TIMELESS: variants seen among roughly 807,000 people sequenced by gnomAD.
TIMELESS encodes the protein protein timeless homolog.
TIMELESS carries 124 observed loss-of-function variants against 164.3 expected under a neutral mutation model. The ratio of observed to expected loss-of-function variants is 0.75; its 90% CI spans 0.65 to 0.88. The LOEUF (loss-of-function observed/expected upper bound fraction) is 0.88, where lower values mean the gene tolerates loss of function less well. Among genes scored for constraint, TIMELESS ranks in the 40% least tolerant of loss-of-function variants. TIMELESS has a pLI of 0.00. For missense variants in TIMELESS, 1,422 were observed against 1,491.4 expected (o/e 0.95, Z 0.77); for synonymous variants, 564 against 563.4 (o/e 1.00, Z -0.02).
In TIMELESS at chr12:56,422,996, TAGG is replaced by T. The variant is rs748622924; in HGVS notation, c.2293-7_2293-5del. 2.5e-6 allele frequency: 4 copies of T among 1,612,600 alleles called. No homozygotes were observed. The highest frequency in any genetic ancestry group is 1.7e-5 in the Admixed American group (1 of 59,844). ...ATTTGGCAAAAGTCACTAGCTCCTGTAGGAGAAGGAGGTTACTATGAGGCCTCT... is the reference window on the plus strand; with the variant it reads ...ATTTGGCAAAAGTCACTAGCTCCTGTAGAAGGAGGTTACTATGAGGCCTCT... On this transcript the variant is annotated splice_region_variant and splice_polypyrimidine_tract_variant and intron_variant, in intron 18 of 28. Coordinates refer to ENST00000553532, the MANE Select transcript of TIMELESS (RefSeq NM_003920.5).
At chr12:56,420,048 A>ATATATATATATATATATATGTGTG (rs1473074484) in intron 26 of TIMELESS, among the ~76,000 whole-genome samples, 2 of 87,338 alleles carry the variant, frequency 2.3e-5, no homozygotes, top group Admixed American at 1.6e-4. Context: ...ATATATATAT[A>ATATATATATATATATATATGTGTG]TGTGTGTGTG....
chr12:56,430,332 C>A (rs755317747), intron 9 of TIMELESS, 51 bp from the exon 10 acceptor site: 1 of 1,543,950 alleles, frequency 6.5e-7, no homozygotes, highest in South Asian at 1.2e-5. Flanking sequence ...CCACTTTCCC[C>A]TTGCAGCTCT....
Position 56,420,613 on chromosome 12 carries a change from G to A in TIMELESS, c.3184C>T (p.Gln1062Ter). Residue 1062 changes from glutamine to a stop codon, truncating the protein, a stop_gained, in exon 26 of 29, where the codon CAG becomes TAG. Coordinates refer to ENST00000553532, the MANE Select transcript of TIMELESS (RefSeq NM_003920.5). LOFTEE classifies it high-confidence loss of function. The stretch of plus-strand genomic sequence containing the variant: ...CGAACCCCTAGCTTGCGCAACAGCT[G>A]CTGAAACTGTTCGTTTTCCATGGCT... ...EEAMENEQFQ[Q>*]LLRKLGVRPP... is the part of the protein sequence containing the mutation. 6.2e-7 allele frequency: 1 copy of A among 1,614,264 alleles called. No individual in the cohort carries two copies.
At chr12:56,434,781 G>A (rs1882015064) in intron 1 of TIMELESS, among the ~76,000 whole-genome samples, 1 of 152,156 alleles carries the variant, frequency 6.6e-6, no homozygotes, top group Admixed American at 6.5e-5. Flanking sequence ...GCTGGGCACA[G>A]TGGCTCATGC....
chr12:56,420,475 T>TGAC, intron 26 of TIMELESS, 94 bp downstream of exon 26: 1 of 1,061,346 alleles, frequency 9.4e-7, no homozygotes, highest in South Asian at 1.4e-5. Flanking sequence ...ACGATAAGGA[T>TGAC]AAGGAGGACC....
intron 1 of TIMELESS, among the ~76,000 whole-genome samples, chr12:56,439,154 G>A (rs376936273): frequency 1.1e-5 from 1 of 93,588 alleles, no homozygotes; most frequent in African/African-American, 4.6e-5. Flanking sequence ...CACCAAGAGT[G>A]AAAACTCCTT....
Position 56,423,640 on chromosome 12 carries a change from C to T in TIMELESS, c.2034G>A (p.Glu678=). 6.2e-7 allele frequency: 1 copy of T among 1,614,050 alleles called. No homozygotes were observed. The highest frequency in any genetic ancestry group is 8.5e-7 in the Non-Finnish European group (1 of 1,179,988). Residue 678 remains glutamate (E), a synonymous_variant, in exon 17 of 29, where the codon GAG becomes GAA. Transcript: ENST00000553532. The part of the protein sequence containing the change: ...EEEEEEEEEE[E]LQVVQVSEKE... The stretch of plus-strand genomic sequence containing the variant: ...TCTCCGACACCTGGACCACTTGCAA[C>T]TCCTCCTCTTCCTCCTCCTCCTCCT...
At position 56,425,035 on chromosome 12, in the gene TIMELESS, G is replaced by A. The variant is rs751611347; in HGVS notation, c.1696C>T (p.Gln566Ter). Residue 566 changes from glutamine (Q) to a stop codon, truncating the protein, a stop_gained, in exon 14 of 29, where the codon CAG becomes TAG. Coordinates refer to ENST00000553532, the MANE Select transcript of TIMELESS (RefSeq NM_003920.5). LOFTEE classifies it high-confidence loss of function. ...VEAVWPALAE[Q>*]LQCCAQNSEL... Reference sequence around the variant, plus strand: ...CCTACCTGGGCACAGCACTGTAGCTGCTCAGCCAGGGCTGGCCACACAGCC... The same window carrying A: ...CCTACCTGGGCACAGCACTGTAGCTACTCAGCCAGGGCTGGCCACACAGCC... 6.2e-6 allele frequency: 10 copies of A among 1,614,210 alleles called. No individual in the cohort carries two copies.
In TIMELESS at chr12:56,449,414, C is replaced by G. The variant is rs879770092; in HGVS notation, c.-166G>C. ...TCAGCTGGACCGGTCCCCGCCTGCG[C>G]GAAGAGCGAGGCGGGGCGAGCCGGG... On this transcript the variant is annotated 5_prime_UTR_variant, in exon 1 of 29. Transcript: ENST00000553532. 6.6e-6 allele frequency: 1 copy of G among 152,226 alleles called. No individual in the cohort carries two copies. Among genetic ancestry groups the G allele is most frequent in the Non-Finnish European group, 1.5e-5 (1 of 68,048 alleles). The allele number at this position is 152,226 out of a possible 1,614,324, so 9.4% of individuals were successfully genotyped here. A position where few individuals can be genotyped will look rare whatever the true frequency, so the allele number is the denominator to read the frequency against.
chr12:56,446,674 TA>T (rs1176370686), intron 1 of TIMELESS, among the ~76,000 whole-genome samples: 2 of 151,492 alleles, frequency 1.3e-5, no homozygotes, highest in African/African-American at 2.4e-5. Flanking sequence ...CTACTAAAAA[TA>T]AAAAAAATTA....
chr12:56,423,308 C>T lies in TIMELESS; in HGVS notation c.2258G>A (p.Arg753His), dbSNP rs189484373. 3.1e-5 allele frequency: 50 copies of T among 1,613,980 alleles called. No individual in the cohort carries two copies. Among genetic ancestry groups the T allele is most frequent in the Admixed American group, 1.5e-4 (9 of 59,992 alleles). Residue 753 changes from arginine to histidine, a missense_variant, in exon 18 of 29, where the codon CGT (arginine) becomes CAT (histidine). Arg to His is a conservative substitution (Grantham distance 29, BLOSUM62 0). Transcript: ENST00000553532. ...TCCAGCAGCAGGGTCACTAAGCAGACGATTGAAGAGGCAGAAGACTGACAG... is the reference window on the plus strand; with the variant it reads ...TCCAGCAGCAGGGTCACTAAGCAGATGATTGAAGAGGCAGAAGACTGACAG... ...FQLSVFCLFN[R>H]LLSDPAAGAY...
At position 56,420,253 on chromosome 12, in the gene TIMELESS, A is replaced by G. The variant is rs1248643690; in HGVS notation, c.3228+316T>C. Among the ~76,000 whole-genome samples the G allele has an allele frequency of 2.0e-5, 3 of 152,024 alleles. No homozygotes were observed. In the East Asian group the frequency reaches 5.8e-4, roughly 29 times the overall value. On this transcript the variant is annotated intron_variant, in intron 26 of 28. Transcript: ENST00000553532. ...GACTTCAGCATCTATAGATTTTGGTATCTGTGGGCAGGGGGGTCCTGGAAC... is the reference window on the plus strand; with the variant it reads ...GACTTCAGCATCTATAGATTTTGGTGTCTGTGGGCAGGGGGGTCCTGGAAC...
Position 56,431,439 on chromosome 12 carries a change from T to C in TIMELESS, c.821+32A>G, listed in dbSNP as rs751750974. 5.7e-6 allele frequency: 9 copies of C among 1,592,430 alleles called. No homozygotes were observed. The East Asian group carries it at 1.8e-4, about 32-fold the overall frequency. ...TCTATGCCCTCAGCATTCCATGATG[T>C]AGGAAAAAGAACCTGCCTCTCTGTC... On this transcript the variant is annotated intron_variant, in intron 8 of 28. Transcript: ENST00000553532.
intron 1 of TIMELESS, among the ~76,000 whole-genome samples, chr12:56,439,474 T>G (rs1287446074): frequency 6.6e-6 from 1 of 151,610 alleles, no homozygotes; most frequent in South Asian, 2.1e-4. Flanking sequence ...TGACTCGCTA[T>G]AGCCTCAACT....
At chr12:56,448,615 G>A (rs771333002) in intron 1 of TIMELESS, among the ~76,000 whole-genome samples, 51 of 151,082 alleles carry the variant, frequency 3.4e-4, no homozygotes, top group Non-Finnish European at 8.8e-5. Context: ...TGTAATCCCA[G>A]CTACTCAGGA....
chr12:56,416,501 A>T lies in TIMELESS; in HGVS notation c.*1215T>A, dbSNP rs2136127841. On this transcript the variant is annotated 3_prime_UTR_variant, in exon 29 of 29. Transcript: ENST00000553532. ...GACGTTTCCAAGAATGGGTAAGAAC[A>T]TAATATTTGCAGTATTTATCCATCC... 6.6e-6 allele frequency: 1 copy of T among 152,316 alleles called. No homozygotes were observed. The highest frequency in any genetic ancestry group is 1.9e-4 in the East Asian group (1 of 5,184). The allele number at this position is 152,316 out of a possible 1,614,324, so 9.4% of individuals were successfully genotyped here.
At chr12:56,418,078 T>C (rs1427982021) in intron 27 of TIMELESS, 56 bp downstream of exon 27, 2 of 1,613,136 alleles carry the variant, frequency 1.2e-6, no homozygotes, top group African/African-American at 2.7e-5. Context: ...TTTCCTGCCC[T>C]CTAGACCAAC....
At chr12:56,439,594 A>G (rs1868249961) in intron 1 of TIMELESS, among the ~76,000 whole-genome samples, 1 of 151,422 alleles carries the variant, frequency 6.6e-6, no homozygotes, top group South Asian at 2.1e-4. Context: ...GTACCTCCCT[A>G]TGTTGCCCAC....
chr12:56,424,239 T>A (rs1881598785), intron 15 of TIMELESS, among the ~76,000 whole-genome samples: 1 of 152,176 alleles, frequency 6.6e-6, no homozygotes, highest in South Asian at 2.1e-4. Flanking sequence ...TTACTATAAA[T>A]CAGCATGTAC....
Sources: allele counts gnomAD v4.1 joint callset (sites outside exome capture counted in the v4.1 genomes callset), GRCh38; gene constraint gnomAD v4.1.1; transcripts MANE v1.5; gene names NCBI Gene and HGNC (gene_info 2026-07-23, HGNC 2026-07-21).